The following LHFPL3 variants were observed in gnomAD, a reference collection of about 807,000 sequenced individuals.
LHFPL3 encodes LHFPL tetraspan subfamily member 3.
Under a neutral mutation model 19.3 loss-of-function variants are expected in LHFPL3, and 5 were observed. The observed-to-expected ratio is 0.26, with a 90% confidence interval of 0.14 to 0.54. The LOEUF (loss-of-function observed/expected upper bound fraction) is 0.54. LHFPL3 is among the 20% of genes least tolerant of loss of function. The pLI is 0.94. For missense variants in LHFPL3, 249 were observed against 307.4 expected, an observed-to-expected ratio of 0.81 and a Z score of 1.42; for synonymous variants, 133 against 126.2, an observed-to-expected ratio of 1.05 and a Z score of -0.36.
At chr7:104,430,419 C>CAT (rs1457442187) in intron 1 of LHFPL3, among the ~76,000 whole-genome samples, 299 of 14,630 alleles carry the variant, frequency 0.02, 4 homozygotes, top group Non-Finnish European at 0.03. Flanking sequence ...TATATATATA[C>CAT]ATATATATAT....
At chr7:104,485,796 C>T (rs1226836533) in intron 1 of LHFPL3, among the ~76,000 whole-genome samples, 1 of 152,102 alleles carries the variant, frequency 6.6e-6, no homozygotes, top group African/African-American at 2.4e-5. Context: ...ACAGGCCTCG[C>T]TCGGTGTGTG....
chr7:104,635,340 T>C (rs1041595674), intron 1 of LHFPL3, among the ~76,000 whole-genome samples: 1 of 152,074 alleles, frequency 6.6e-6, no homozygotes, highest in Non-Finnish European at 1.5e-5. Context: ...TTCCAAGTAC[T>C]CAACACAATG....
rs550491917 is a variant in LHFPL3, at chr7:104,339,111, G to A, written c.445+9887G>A. Among the ~76,000 whole-genome samples, 133 of 152,264 alleles carry A rather than the reference G, an allele frequency of 8.7e-4. 3 individuals carry two copies. The South Asian group carries it at 0.018, about 21-fold the overall frequency. On this transcript the variant is annotated intron_variant, in intron 1 of 2. Coordinates refer to ENST00000424859, the MANE Select transcript of LHFPL3 (RefSeq NM_199000.3). ...AAAAATACAAAAATTAGTCAGGTGT[G>A]ATGGCGAGTGCCTGTAATCCCAGCT...
intron 2 of LHFPL3, among the ~76,000 whole-genome samples, chr7:104,864,408 A>AT (rs1791679636): frequency 6.6e-6 from 1 of 151,752 alleles, no homozygotes; most frequent in African/African-American, 2.4e-5. Context: ...AAATCAGGTC[A>AT]CTCCCACCCT....
intron 2 of LHFPL3, among the ~76,000 whole-genome samples, chr7:104,870,007 C>T (rs560445370): frequency 1.3e-4 from 20 of 151,794 alleles, no homozygotes; most frequent in East Asian, 7.8e-4. Flanking sequence ...AACCAAACGC[C>T]GCATGTTCTC....
At chr7:104,566,202 T>A (rs1790120723) in intron 1 of LHFPL3, among the ~76,000 whole-genome samples, 1 of 151,880 alleles carries the variant, frequency 6.6e-6, no homozygotes. Context: ...ACCAAAAAAA[T>A]TTGCCTGTCA....
intron 2 of LHFPL3, among the ~76,000 whole-genome samples, chr7:104,748,902 G>C (rs533698286): frequency 6.6e-6 from 1 of 152,182 alleles, no homozygotes; most frequent in African/African-American, 2.4e-5. Flanking sequence ...GGCGCCCAAC[G>C]TGGGGCTAAG....
intron 1 of LHFPL3, among the ~76,000 whole-genome samples, chr7:104,682,094 C>G (rs1474969089): frequency 6.6e-6 from 1 of 152,176 alleles, no homozygotes; most frequent in Non-Finnish European, 1.5e-5. Flanking sequence ...AATTACCAAG[C>G]ATTGTTATTA....
chr7:104,388,787 A>G (rs1403096797), intron 1 of LHFPL3, among the ~76,000 whole-genome samples: 1 of 152,144 alleles, frequency 6.6e-6, no homozygotes, highest in Non-Finnish European at 1.5e-5. Flanking sequence ...GATTACTTTC[A>G]TAGATGCAGG....
intron 2 of LHFPL3, among the ~76,000 whole-genome samples, chr7:104,831,178 A>T (rs1001734492): frequency 6.6e-6 from 1 of 151,586 alleles, no homozygotes; most frequent in Admixed American, 6.6e-5. Context: ...ATTCTTATCC[A>T]AACTGTCTTA....
At chr7:104,487,259 G>A (rs1793253010) in intron 1 of LHFPL3, among the ~76,000 whole-genome samples, 1 of 152,106 alleles carries the variant, frequency 6.6e-6, no homozygotes, top group Non-Finnish European at 1.5e-5. Flanking sequence ...AACTTCTAAA[G>A]ACCAAAATAC....
At chr7:104,332,946 GAA>G (rs3080461) in intron 1 of LHFPL3, among the ~76,000 whole-genome samples, 34,606 of 148,386 alleles carry the variant, frequency 0.23, 5,307 homozygotes, top group East Asian at 0.44. Flanking sequence ...TCTTCAGAAG[GAA>G]AAAAAAAAAA....
chr7:104,563,380 C>T (rs529285383), intron 1 of LHFPL3, among the ~76,000 whole-genome samples: 1 of 152,308 alleles, frequency 6.6e-6, no homozygotes, highest in Admixed American at 6.5e-5. Context: ...GATATAATCT[C>T]GTGGTGCACC....
rs114492776 is a variant in LHFPL3 at position 104,522,831 on chromosome 7, G to A, written c.445+193607G>A. Among the ~76,000 whole-genome samples, 346 of 152,214 alleles carry A rather than the reference G, an allele frequency of 2.3e-3. 1 individual carries two copies. The highest frequency in any genetic ancestry group is 7.1e-3 in the African/African-American group (295 of 41,546). On this transcript the variant is annotated intron_variant, in intron 1 of 2. Coordinates refer to ENST00000424859, the MANE Select transcript of LHFPL3 (RefSeq NM_199000.3). ...ACAGGGTAAGACTTTGAAAAAAGAA[G>A]GAGAGATCAGCAGGACCTTCCAAGC...
intron 1 of LHFPL3, among the ~76,000 whole-genome samples, chr7:104,468,798 A>G (rs1377585699): frequency 6.6e-6 from 1 of 151,668 alleles, no homozygotes; most frequent in African/African-American, 2.4e-5. Context: ...AGCTGGGATT[A>G]CAGGTGCCTG....
chr7:104,496,662 T>G (rs1793489236), intron 1 of LHFPL3, among the ~76,000 whole-genome samples: 1 of 152,192 alleles, frequency 6.6e-6, no homozygotes. Flanking sequence ...TGATCGCCAT[T>G]CTAACTGGGA....
At chr7:104,650,295 G>A (rs1011985049) in intron 1 of LHFPL3, among the ~76,000 whole-genome samples, 9 of 152,182 alleles carry the variant, frequency 5.9e-5, no homozygotes, top group African/African-American at 1.9e-4. Flanking sequence ...ATCATCTGTG[G>A]TGCACACATC....
At position 104,906,271 on chromosome 7, in the gene LHFPL3, A is replaced by C; in HGVS notation, c.*56A>C. On this transcript the variant is annotated 3_prime_UTR_variant, in exon 3 of 3. Transcript: ENST00000424859. ...AATCGAATAACAGCTAAACGAATCG[A>C]ATAACAGCTTTTGTACATCAACATC... is the stretch of plus-strand genomic sequence containing the variant. 6.4e-7 allele frequency: 1 copy of C among 1,561,160 alleles called. No homozygotes were observed. Among genetic ancestry groups the C allele is most frequent in the Middle Eastern group, 1.7e-4 (1 of 5,984 alleles).
chr7:104,622,885 A>T (rs1238119561), intron 1 of LHFPL3: 5 of 196,802 alleles, frequency 2.5e-5, no homozygotes, highest in South Asian at 2.5e-4. Context: ...GAATTACCAG[A>T]CTGTTTTCCA....
Sources: gnomAD v4.1 joint callset for allele counts (sites outside exome capture counted in the v4.1 genomes callset) on GRCh38, gnomAD v4.1.1 for gene constraint, MANE v1.5 for transcripts, NCBI Gene and HGNC (gene_info 2026-07-23, HGNC 2026-07-21) for gene names.